LIX1L: variants seen among roughly 807,000 people sequenced by gnomAD.
LIX1L encodes LIX1-like protein.
A neutral mutation model predicts 34.0 loss-of-function variants in LIX1L; 20 were observed. That is an observed-to-expected ratio of 0.59 (90% CI 0.41 to 0.85). LIX1L has a LOEUF of 0.85. LIX1L is among the 40% of genes least tolerant of loss of function. The probability of loss-of-function intolerance (pLI) is 0.00; values close to 1 mark genes in which losing one functional copy is unlikely to be tolerated. For synonymous variants in LIX1L, 170 were observed against 187.4 expected (o/e 0.91, Z 0.76); for missense variants, 397 against 447.0 (o/e 0.89, Z 1.01).
intron 1 of LIX1L, 27 bp from the exon 2 acceptor site, chr1:145,947,809 G>A (rs372837940): frequency 1.2e-6 from 2 of 1,610,696 alleles, no homozygotes. Context: ...CTTAAGTTCA[G>A]CAATGAATGA....
At position 145,933,448 on chromosome 1, in the gene LIX1L, T is replaced by C. The variant is rs1363531076; in HGVS notation, c.*2862A>G. 2 of 152,226 alleles carry C rather than the reference T, an allele frequency of 1.3e-5. No individual in the cohort carries two copies. The highest frequency in any genetic ancestry group is 2.9e-5 in the Non-Finnish European group (2 of 68,042). The allele number at this position is 152,226 out of a possible 1,614,324, so 9.4% of individuals were successfully genotyped here. On this transcript the variant is annotated 3_prime_UTR_variant, in exon 6 of 6. Coordinates refer to ENST00000604000, the MANE Select transcript of LIX1L (RefSeq NM_153713.3). ...TCACTAGACAAAAATCTATTTTTAA[T>C]TGTATAAAATTATACATATAAAATA...
intron 3 of LIX1L, 62 bp downstream of exon 3, chr1:145,942,651 C>T: frequency 6.6e-7 from 1 of 1,513,258 alleles, no homozygotes; most frequent in Non-Finnish European, 9.1e-7. Flanking sequence ...TAATTTACGA[C>T]TTCCCAAGCA....
chr1:145,940,474 G>A (rs587704477), intron 3 of LIX1L, among the ~76,000 whole-genome samples: 1 of 149,136 alleles, frequency 6.7e-6, no homozygotes, highest in South Asian at 2.1e-4. Context: ...AGCCTCCTGA[G>A]TAGCTGGCAT....
At chr1:145,949,688 T>A (rs1649223006) in intron 1 of LIX1L, among the ~76,000 whole-genome samples, 1 of 151,604 alleles carries the variant, frequency 6.6e-6, no homozygotes, top group African/African-American at 2.4e-5. Context: ...AGGGATGAGA[T>A]CAGTTTGCTT....
rs1231832855 is a variant in LIX1L at position 145,937,674 on chromosome 1, G to A, written c.623C>T (p.Pro208Leu). ...TCGGAAGGCACCAATCCCTGTATTT[G>A]GGTTGTCAGCTTCCTCCCTGTTGCC... ...FNGNREEADNPNTGIGAFRFM... is the reference protein window; with the variant it reads ...FNGNREEADNLNTGIGAFRFM... Residue 208 changes from proline (P) to leucine (L), a missense_variant, in exon 4 of 6, where the codon CCA becomes CTA. Around this residue, in one of 3 missense-constraint regions of LIX1L, gnomAD observed 174 missense variants for 204.0 expected, o/e 0.85. Coordinates refer to ENST00000604000, the MANE Select transcript of LIX1L (RefSeq NM_153713.3). The A allele has an allele frequency of 6.2e-7, 1 of 1,613,232 alleles. No homozygotes were observed. Among genetic ancestry groups the A allele is most frequent in the Non-Finnish European group, 8.5e-7 (1 of 1,179,354 alleles).
intron 1 of LIX1L, among the ~76,000 whole-genome samples, chr1:145,955,304 T>C: frequency 6.6e-6 from 1 of 152,262 alleles, no homozygotes; most frequent in Middle Eastern, 3.4e-3. Context: ...GGAAAGCTTT[T>C]TAAAATAAAT....
chr1:145,936,624 G>A (rs1007628303), intron 5 of LIX1L, 72 bp from the exon 6 acceptor site: 22 of 1,566,424 alleles, frequency 1.4e-5, no homozygotes, highest in Non-Finnish European at 1.9e-5. Flanking sequence ...GACCCAACTG[G>A]GACTAAGAAC....
chr1:145,938,673 C>T lies in LIX1L; in HGVS notation c.598-974G>A, dbSNP rs369339370. Among the ~76,000 whole-genome samples the T allele has an allele frequency of 1.2e-4, 19 of 152,002 alleles. No individual in the cohort carries two copies. In the East Asian group the frequency reaches 2.1e-3, roughly 17 times the overall value. On this transcript the variant is annotated intron_variant, in intron 3 of 5. Transcript: ENST00000604000. ...TGCGATCTCGGCTCACTGCAACCTC[C>T]GCCTCCTGGGTTCAAGTGATTCTCC...
Position 145,935,976 on chromosome 1 carries a change from A to G in LIX1L, c.*334T>C, listed in dbSNP as rs1044685036. ...CCTTATTCAAGTTACCTGATATTTG[A>G]AAAGAAGGACACATGAACACTAGAG... On this transcript the variant is annotated 3_prime_UTR_variant, in exon 6 of 6. Transcript: ENST00000604000. 2.2e-5 allele frequency: 6 copies of G among 273,282 alleles called. No individual in the cohort carries two copies. In the Admixed American group the frequency reaches 2.5e-4, roughly 12 times the overall value. 16.9% of individuals were successfully genotyped at this position (273,282 alleles called of 1,614,324 possible). A position where few individuals can be genotyped will look rare whatever the true frequency, so the allele number is the denominator to read the frequency against.
intron 3 of LIX1L, among the ~76,000 whole-genome samples, chr1:145,941,636 G>A (rs1194258584): frequency 1.3e-5 from 2 of 152,020 alleles, no homozygotes; most frequent in Admixed American, 6.6e-5. Context: ...GGAAGATGGC[G>A]GTGTTAATTT....
At chr1:145,939,321 T>C (rs1648790503) in intron 3 of LIX1L, among the ~76,000 whole-genome samples, 1 of 151,340 alleles carries the variant, frequency 6.6e-6, no homozygotes, top group African/African-American at 2.4e-5. Context: ...TTTTTTTTTT[T>C]TTGAGATGAA....
intron 1 of LIX1L, among the ~76,000 whole-genome samples, chr1:145,956,918 C>T (rs797039539): frequency 3.3e-4 from 50 of 152,314 alleles, no homozygotes; most frequent in African/African-American, 1.1e-3. Context: ...AGAGCCAAGG[C>T]CTGGGATTTA....
At chr1:145,954,516 T>C (rs1437998627) in intron 1 of LIX1L, among the ~76,000 whole-genome samples, 3 of 152,142 alleles carry the variant, frequency 2.0e-5, no homozygotes, top group African/African-American at 4.8e-5. Flanking sequence ...CTTAGTGAAA[T>C]AACAGGGCAA....
At chr1:145,942,940 A>AAACACTTCAGATAG in intron 2 of LIX1L, 87 bp from the exon 3 acceptor site, 2 of 1,298,664 alleles carry the variant, frequency 1.5e-6, no homozygotes, top group South Asian at 2.5e-5. Context: ...CTTCAGATAG[A>AAACACTTCAGATAG]AAACACTTGG....
chr1:145,955,630 A>G lies in LIX1L; in HGVS notation c.292+2006T>C, dbSNP rs76474165. On this transcript the variant is annotated intron_variant, in intron 1 of 5. Coordinates refer to ENST00000604000, the MANE Select transcript of LIX1L (RefSeq NM_153713.3). Reference sequence around the variant, plus strand: ...GCAGAATAAGTGATTCCATGTGGTAAAGGACTTCTGAGCCAAATGGGCAGA... The same window carrying G: ...GCAGAATAAGTGATTCCATGTGGTAGAGGACTTCTGAGCCAAATGGGCAGA... 3.9e-3 allele frequency among the ~76,000 whole-genome samples: 587 copies of G among 152,356 alleles called. 5 individuals carry two copies. The highest frequency in any genetic ancestry group is 0.027 in the South Asian group (132 of 4,824).
At chr1:145,945,748 C>CAA (rs1289472683) in intron 2 of LIX1L, among the ~76,000 whole-genome samples, 39 of 78,374 alleles carry the variant, frequency 5.0e-4, no homozygotes, top group South Asian at 2.1e-3. Flanking sequence ...GACTCTATCT[C>CAA]AAAAAAAAAA....
intron 1 of LIX1L, among the ~76,000 whole-genome samples, 161 bp downstream of exon 1, chr1:145,957,475 G>A (rs1553760515): frequency 6.6e-6 from 1 of 152,258 alleles, no homozygotes; most frequent in African/African-American, 2.4e-5. Flanking sequence ...TTAAACGTGT[G>A]TATGAGTGTG....
Position 145,947,717 on chromosome 1 carries a change from T to G in LIX1L, c.358A>C (p.Asn120His). ...MKQSRGADLK[N>H]GALVVYEMVP... ...ATCTCATAAACCACTAGAGCCCCATTCTTTAAGTCAGCACCACGGGACTGC... is the reference window on the plus strand; with the variant it reads ...ATCTCATAAACCACTAGAGCCCCATGCTTTAAGTCAGCACCACGGGACTGC... Residue 120 changes from asparagine to histidine, a missense_variant, in exon 2 of 6, where the codon AAT (asparagine) becomes CAT (histidine). Transcript: ENST00000604000. 1 of 1,614,196 alleles carries G rather than the reference T, an allele frequency of 6.2e-7. No homozygotes were observed. The highest frequency in any genetic ancestry group is 8.5e-7 in the Non-Finnish European group (1 of 1,180,040).
chr1:145,945,990 G>A (rs1253751636), intron 2 of LIX1L, among the ~76,000 whole-genome samples: 1 of 148,984 alleles, frequency 6.7e-6, no homozygotes, highest in Non-Finnish European at 1.5e-5. Context: ...TCTAGTCCTA[G>A]CTACTGGGGA....
Sources: gnomAD v4.1 joint callset for allele counts (sites outside exome capture counted in the v4.1 genomes callset) on GRCh38, gnomAD v4.1.1 for gene constraint, gnomAD v4.1.1 regional missense constraint, MANE v1.5 for transcripts, NCBI Gene and HGNC (gene_info 2026-07-23, HGNC 2026-07-21) for gene names.